The following NDST3 variants were observed in gnomAD, a reference collection of about 807,000 sequenced individuals.
The protein encoded by NDST3 is N-deacetylase and N-sulfotransferase 3.
A neutral mutation model predicts 96.1 loss-of-function variants in NDST3; 58 were observed. The observed-to-expected ratio is 0.60, with a 90% CI of 0.49 to 0.75. NDST3 has a LOEUF of 0.75. Ranked by LOEUF, NDST3 falls within the 30% of genes least tolerant of loss-of-function variation. NDST3 has a pLI of 0.00. For missense variants in NDST3, 788 were observed against 1,034.2 expected, an observed-to-expected ratio of 0.76 and a Z score of 3.27; for synonymous variants, 333 against 359.7, an observed-to-expected ratio of 0.93 and a Z score of 0.84.
intron 3 of NDST3, 131 bp from the exon 4 acceptor site, chr4:118,114,675 C>T (rs1009871459): frequency 2.1e-6 from 2 of 970,338 alleles, no homozygotes; most frequent in Non-Finnish European, 3.0e-6. Flanking sequence ...GGGTTTAAAG[C>T]CTTATACGTA....
At chr4:118,136,425 A>C (rs114601725) in intron 4 of NDST3, among the ~76,000 whole-genome samples, 209 of 152,300 alleles carry the variant, frequency 1.4e-3, no homozygotes, top group African/African-American at 4.8e-3. Context: ...ACTTTAGTTG[A>C]GCACAAATTA....
chr4:118,174,836 C>T (rs952621881), intron 6 of NDST3, among the ~76,000 whole-genome samples: 1 of 152,094 alleles, frequency 6.6e-6, no homozygotes, highest in Non-Finnish European at 1.5e-5. Flanking sequence ...TTTTAGAATC[C>T]GACTGTGACT....
At chr4:118,087,366 G>A (rs561949468) in intron 2 of NDST3, among the ~76,000 whole-genome samples, 1 of 152,226 alleles carries the variant, frequency 6.6e-6, no homozygotes, top group South Asian at 2.1e-4. Flanking sequence ...GGCAGGGAAA[G>A]TCTTAACTCT....
At chr4:118,090,106 G>A (rs534354356) in intron 2 of NDST3, among the ~76,000 whole-genome samples, 26 of 151,988 alleles carry the variant, frequency 1.7e-4, no homozygotes, top group African/African-American at 6.0e-4. Context: ...TGATCCTCAC[G>A]ACATTGTCTT....
chr4:118,159,866 G>T (rs568803431), intron 6 of NDST3, among the ~76,000 whole-genome samples: 9 of 152,154 alleles, frequency 5.9e-5, no homozygotes, highest in Middle Eastern at 3.4e-3. Context: ...ATTGCCCAGG[G>T]AGCAAAATAA....
chr4:118,084,342 C>A (rs1030588498), intron 2 of NDST3, among the ~76,000 whole-genome samples: 1 of 152,114 alleles, frequency 6.6e-6, no homozygotes, highest in Non-Finnish European at 1.5e-5. Context: ...CTTAATTATA[C>A]ATGATAAAAT....
intron 2 of NDST3, among the ~76,000 whole-genome samples, chr4:118,067,995 C>G (rs1465459447): frequency 6.6e-6 from 1 of 151,534 alleles, no homozygotes; most frequent in Non-Finnish European, 1.5e-5. Context: ...TCCTCAAAAG[C>G]AAGGAAAGTC....
chr4:118,111,576 A>G (rs4834658), intron 3 of NDST3, among the ~76,000 whole-genome samples: 112,936 of 148,548 alleles, frequency 0.76, 45,289 homozygotes, highest in South Asian at 0.92. Flanking sequence ...TCGCTCTGTC[A>G]CCCAGGCTGG....
intron 6 of NDST3, among the ~76,000 whole-genome samples, chr4:118,187,580 G>A (rs1296440137): frequency 6.6e-6 from 1 of 152,156 alleles, no homozygotes; most frequent in African/African-American, 2.4e-5. Flanking sequence ...GTGGAAGTTT[G>A]GCTGCGAAAT....
chr4:118,181,161 G>A (rs1183638125), intron 6 of NDST3, among the ~76,000 whole-genome samples: 1 of 152,100 alleles, frequency 6.6e-6, no homozygotes, highest in Non-Finnish European at 1.5e-5. Flanking sequence ...TCCCTGTGTT[G>A]TTCCTCAAAG....
chr4:118,071,077 G>A (rs1273591619), intron 2 of NDST3, among the ~76,000 whole-genome samples: 7 of 151,976 alleles, frequency 4.6e-5, no homozygotes, highest in Admixed American at 1.3e-4. Context: ...TGGCTGCATA[G>A]TATTCCATGG....
At chr4:118,112,400 A>C (rs1730711040) in intron 3 of NDST3, among the ~76,000 whole-genome samples, 1 of 152,194 alleles carries the variant, frequency 6.6e-6, no homozygotes, top group Non-Finnish European at 1.5e-5. Flanking sequence ...GGGAGAGGAG[A>C]CTTCTCATAA....
At chr4:118,098,742 GA>G (rs1729542457) in intron 2 of NDST3, among the ~76,000 whole-genome samples, 1 of 152,040 alleles carries the variant, frequency 6.6e-6, no homozygotes, top group Admixed American at 6.6e-5. Flanking sequence ...GGTGAAGAAT[GA>G]AAATTCACTA....
At chr4:118,218,801 T>C (rs1228168919) in intron 6 of NDST3, among the ~76,000 whole-genome samples, 2 of 152,122 alleles carry the variant, frequency 1.3e-5, no homozygotes, top group Non-Finnish European at 2.9e-5. Flanking sequence ...CCCCATCGTC[T>C]CAGCTCCAAA....
intron 5 of NDST3, among the ~76,000 whole-genome samples, chr4:118,140,221 C>T (rs146650468): frequency 1.4e-3 from 214 of 152,324 alleles, no homozygotes; most frequent in African/African-American, 5.0e-3. Context: ...CTACCTATTT[C>T]TATTCCCTTT....
At chr4:118,187,735 AAGC>A (rs1737058223) in intron 6 of NDST3, among the ~76,000 whole-genome samples, 1 of 152,198 alleles carries the variant, frequency 6.6e-6, no homozygotes, top group Non-Finnish European at 1.5e-5. Context: ...TCTTGGGAAA[AAGC>A]CATCCACATC....
chr4:118,215,840 C>A (rs925994206), intron 6 of NDST3, among the ~76,000 whole-genome samples: 2 of 151,982 alleles, frequency 1.3e-5, no homozygotes, highest in Non-Finnish European at 1.5e-5. Flanking sequence ...TGCCTGATGA[C>A]CAGCACTCCC....
chr4:118,088,306 A>T (rs576890516), intron 2 of NDST3, among the ~76,000 whole-genome samples: 6 of 152,232 alleles, frequency 3.9e-5, no homozygotes, highest in Non-Finnish European at 5.9e-5. Context: ...TCATGTTCAA[A>T]TAATTTTCTG....
At chr4:118,135,349 C>A (rs560051335) in intron 4 of NDST3, among the ~76,000 whole-genome samples, 1 of 152,254 alleles carries the variant, frequency 6.6e-6, no homozygotes, top group South Asian at 2.1e-4. Flanking sequence ...GTAGAAAATA[C>A]AGTCTGTCTC....
Sources: allele counts gnomAD v4.1 joint callset (sites outside exome capture counted in the v4.1 genomes callset), GRCh38; gene constraint gnomAD v4.1.1; transcripts MANE v1.5; gene names NCBI Gene and HGNC (gene_info 2026-07-23, HGNC 2026-07-21).